ARHGEF10: variants seen among roughly 807,000 people sequenced by gnomAD.
ARHGEF10 encodes Rho guanine nucleotide exchange factor 10.
Under a neutral mutation model 147.4 loss-of-function variants are expected in ARHGEF10, and 140 were observed. That is an observed-to-expected ratio of 0.95 (90% CI 0.83 to 1.09). The LOEUF is 1.09. Among genes scored for constraint, ARHGEF10 ranks in the 50% least tolerant of loss-of-function variants. The pLI is 0.00. For synonymous variants in ARHGEF10, 902 were observed against 695.8 expected, an observed-to-expected ratio of 1.30 and a Z score of -4.67; for missense variants, 2,222 against 1,752.7, an observed-to-expected ratio of 1.27 and a Z score of -4.78.
rs781440599 is a variant in ARHGEF10 at position 1,857,951 on chromosome 8, TC to T, written c.38-8del. On this transcript the variant is annotated splice_polypyrimidine_tract_variant and splice_region_variant and intron_variant, in intron 2 of 28. Transcript: ENST00000349830. ...CTCTCCTTGATGTGGTTTTGGTTTT[TC>T]TTTTTAGAAAATGAAATGAAATATG... 3.1e-6 allele frequency: 5 copies of T among 1,594,906 alleles called. No individual in the cohort carries two copies. The highest frequency in any genetic ancestry group is 4.3e-6 in the Non-Finnish European group (5 of 1,167,062).
intron 27 of ARHGEF10, among the ~76,000 whole-genome samples, chr8:1,946,106 G>A (rs1408647195): frequency 2.0e-5 from 3 of 152,180 alleles, no homozygotes; most frequent in East Asian, 3.9e-4. Context: ...GCTGGTGGGT[G>A]TCACTGAAGT....
rs1229838939 is a variant in ARHGEF10, at chr8:1,882,683, G to C, written c.1009G>C (p.Glu337Gln). The change falls in exon 10 of 29, where the codon GAG becomes CAG. Residue 337 changes from glutamate (E) to glutamine (Q), a missense_variant. Coordinates refer to ENST00000349830, the MANE Select transcript of ARHGEF10 (RefSeq NM_014629.4). Reference sequence around the variant, plus strand: ...GAAGGACGGCACCAAGGACGGGCTGGAGAGGACCAGGGCAGCCGTGAAGAG... The same window carrying C: ...GAAGGACGGCACCAAGGACGGGCTGCAGAGGACCAGGGCAGCCGTGAAGAG... ...AAKDGTKDGL[E>Q]RTRAAVKRGR... 6.4e-7 allele frequency: 1 copy of C among 1,557,288 alleles called. No individual in the cohort carries two copies. Among genetic ancestry groups the C allele is most frequent in the Non-Finnish European group, 8.7e-7 (1 of 1,149,864 alleles).
chr8:1,946,508 C>T (rs1814606083), intron 27 of ARHGEF10, among the ~76,000 whole-genome samples: 1 of 152,164 alleles, frequency 6.6e-6, no homozygotes, highest in Non-Finnish European at 1.5e-5. Context: ...TGGCTGGGGC[C>T]TCATGTGGTG....
At chr8:1,860,947 G>A (rs1033816706) in intron 4 of ARHGEF10, among the ~76,000 whole-genome samples, 5 of 152,286 alleles carry the variant, frequency 3.3e-5, no homozygotes, top group East Asian at 1.9e-4. Context: ...TTTCCTCGCC[G>A]GGAAGATGCC....
intron 6 of ARHGEF10, among the ~76,000 whole-genome samples, chr8:1,868,160 A>G (rs926804115): frequency 8.5e-5 from 13 of 152,228 alleles, no homozygotes; most frequent in African/African-American, 3.1e-4. Flanking sequence ...AGTAAATGCT[A>G]TTAAAAGAAA....
intron 2 of ARHGEF10, among the ~76,000 whole-genome samples, chr8:1,854,276 T>TG: frequency 6.6e-6 from 1 of 151,892 alleles, no homozygotes; most frequent in African/African-American, 2.4e-5. Context: ...CCCTTGGAGG[T>TG]GGGGGTCAGA....
Position 1,920,031 on chromosome 8 carries a change from T to TATGGGTGATGGAGCTGTTCC in ARHGEF10, c.2144-2932_2144-2913dup, listed in dbSNP as rs1563286351. 3.4e-3 allele frequency among the ~76,000 whole-genome samples: 361 copies of TATGGGTGATGGAGCTGTTCC among 105,014 alleles called. 9 individuals carry two copies. The highest frequency in any genetic ancestry group is 0.013 in the African/African-American group (341 of 26,600). 68.9% of individuals were successfully genotyped at this position (105,014 alleles called of 152,430 possible). On this transcript the variant is annotated intron_variant, in intron 18 of 28. Coordinates refer to ENST00000349830, the MANE Select transcript of ARHGEF10 (RefSeq NM_014629.4). ...TGTTCTGTGGATGATGGAGCTGTTC[T>TATGGGTGATGGAGCTGTTCC]ATGGGTGATGGAGCTGTTCCGTGGG...
intron 1 of ARHGEF10, among the ~76,000 whole-genome samples, chr8:1,830,863 G>A (rs1379595801): frequency 1.3e-5 from 2 of 152,224 alleles, no homozygotes; most frequent in African/African-American, 4.8e-5. Flanking sequence ...AAGAGAATGG[G>A]GTCATTGCCT....
At chr8:1,930,089 T>G (rs1328674337) in intron 25 of ARHGEF10, among the ~76,000 whole-genome samples, 3 of 152,088 alleles carry the variant, frequency 2.0e-5, no homozygotes, top group Admixed American at 6.5e-5. Flanking sequence ...GGGCTTTCCT[T>G]CCAGCTTCCT....
chr8:1,957,062 C>T lies in ARHGEF10; in HGVS notation c.3834C>T (p.Asp1278=), dbSNP rs1307538358. The change falls in exon 29 of 29, where the codon GAC becomes GAT. Residue 1278 remains aspartate, a synonymous_variant. Coordinates refer to ENST00000349830, the MANE Select transcript of ARHGEF10 (RefSeq NM_014629.4). ...GSSSLEHRSE[D]STIYDLLKDP... ...GCTCTCTAGAGCACAGATCAGAGGA[C>T]AGCACCATCTATGATCTCCTGAAGG... is the stretch of plus-strand genomic sequence containing the variant. 4 of 1,613,844 alleles carry T rather than the reference C, an allele frequency of 2.5e-6. No homozygotes were observed. In the South Asian group the frequency reaches 3.3e-5, roughly 13 times the overall value.
Position 1,957,287 on chromosome 8 carries a change from C to G in ARHGEF10, c.*24C>G. On this transcript the variant is annotated 3_prime_UTR_variant, in exon 29 of 29. Transcript: ENST00000349830. ...AAGCAGGACGGCCGCCTTCTGCTGT[C>G]AGAATTTGCAATCAAGGGTGACTTC... is the stretch of plus-strand genomic sequence containing the variant. 6.3e-7 allele frequency: 1 copy of G among 1,599,836 alleles called. No homozygotes were observed. The highest frequency in any genetic ancestry group is 8.5e-7 in the Non-Finnish European group (1 of 1,175,848).
chr8:1,830,570 A>G (rs1466970311), intron 1 of ARHGEF10, among the ~76,000 whole-genome samples: 1 of 152,238 alleles, frequency 6.6e-6, no homozygotes, highest in African/African-American at 2.4e-5. Context: ...GAAATGACCT[A>G]TTAAGAGACA....
Position 1,905,688 on chromosome 8 carries a change from G to C in ARHGEF10, c.1939G>C (p.Val647Leu). The C allele has an allele frequency of 6.2e-7, 1 of 1,614,136 alleles. No individual in the cohort carries two copies. Among genetic ancestry groups the C allele is most frequent in the Non-Finnish European group, 8.5e-7 (1 of 1,180,046 alleles). ...KERRVFMLNDVLMCATVSSRP... is the reference protein window; with the variant it reads ...KERRVFMLNDLLMCATVSSRP... ...ACGCCGAGTCTTCATGTTAAATGATGTGTTAATGTGTGCCACCGTCAGCTC... is the reference window on the plus strand; with the variant it reads ...ACGCCGAGTCTTCATGTTAAATGATCTGTTAATGTGTGCCACCGTCAGCTC... Residue 647 changes from valine to leucine, a missense_variant, in exon 17 of 29, where the codon GTG (valine) becomes CTG (leucine). Transcript: ENST00000349830.
intron 4 of ARHGEF10, among the ~76,000 whole-genome samples, chr8:1,861,605 C>G (rs1403136955): frequency 6.6e-6 from 1 of 152,188 alleles, no homozygotes; most frequent in Non-Finnish European, 1.5e-5. Context: ...GTGGAAGCAG[C>G]CTTCCCTTTC....
At chr8:1,840,038 G>A (rs116995197) in intron 1 of ARHGEF10, among the ~76,000 whole-genome samples, 1,690 of 145,028 alleles carry the variant, frequency 0.012, 21 homozygotes, top group Non-Finnish European at 0.016. Flanking sequence ...GTCCTGTGTG[G>A]AAGCTGTCCG....
intron 26 of ARHGEF10, among the ~76,000 whole-genome samples, chr8:1,938,658 G>A (rs1375553322): frequency 6.6e-6 from 1 of 152,168 alleles, no homozygotes; most frequent in African/African-American, 2.4e-5. Context: ...AGGCCTAAGC[G>A]GGCACGGTGG....
chr8:1,870,519 T>C (rs1458618633), intron 7 of ARHGEF10: 6 of 152,150 alleles, frequency 3.9e-5, no homozygotes, highest in African/African-American at 1.2e-4. Flanking sequence ...TAAATTCTTG[T>C]GAGAGATACA....
intron 1 of ARHGEF10, among the ~76,000 whole-genome samples, chr8:1,829,922 A>G (rs1172784476): frequency 6.6e-6 from 1 of 152,194 alleles, no homozygotes; most frequent in Non-Finnish European, 1.5e-5. Flanking sequence ...AAGGAATGAA[A>G]GGTGCAGCGT....
intron 28 of ARHGEF10, among the ~76,000 whole-genome samples, chr8:1,953,963 G>A (rs1236176100): frequency 6.6e-6 from 1 of 152,126 alleles, no homozygotes; most frequent in African/African-American, 2.4e-5. Flanking sequence ...TCAGATTTTG[G>A]CAGGTCCACC....
Sources: gnomAD v4.1 joint callset for allele counts (sites outside exome capture counted in the v4.1 genomes callset) on GRCh38, gnomAD v4.1.1 for gene constraint, MANE v1.5 for transcripts, NCBI Gene and HGNC (gene_info 2026-07-23, HGNC 2026-07-21) for gene names.